PCNX1: variants seen among roughly 807,000 people sequenced by gnomAD.
PCNX1 encodes pecanex 1.
Under a neutral mutation model 242.2 loss-of-function variants are expected in PCNX1, and 78 were observed. The observed-to-expected ratio is 0.32, with a 90% CI of 0.27 to 0.39. PCNX1 has a LOEUF of 0.39. Among genes scored for constraint, PCNX1 ranks in the 10% least tolerant of loss-of-function variants. The probability of loss-of-function intolerance (pLI) is 1.00; values close to 1 mark genes in which losing one functional copy is unlikely to be tolerated. For synonymous variants in PCNX1, 1,024 were observed against 1,032.9 expected (o/e 0.99, Z 0.17); for missense variants, 2,581 against 2,856.5 (o/e 0.90, Z 2.20).
intron 10 of PCNX1, chr14:71,011,784 T>A: frequency 2.2e-6 from 1 of 454,848 alleles, no homozygotes; most frequent in Non-Finnish European, 3.9e-6. Context: ...AAAAAGTGTT[T>A]TGGAAAGTAT....
rs1415750246 is a variant in PCNX1 at position 70,988,590 on chromosome 14, G to C, written c.2335G>C (p.Val779Leu). The change falls in exon 7 of 36, where the codon GTG becomes CTG. Residue 779 changes from valine to leucine, a missense_variant. Transcript: ENST00000304743. Reference protein sequence around the residue: ...SGAAQASEEAVSFRRERSTFR... With the variant: ...SGAAQASEEALSFRRERSTFR... ...AGCAGCACAAGCCAGCGAGGAGGCA[G>C]TGTCATTTCGCCGTGAACGCAGCAC... 3.7e-6 allele frequency: 6 copies of C among 1,614,010 alleles called. No individual in the cohort carries two copies. Among genetic ancestry groups the C allele is most frequent in the South Asian group, 3.3e-5 (3 of 91,096 alleles).
chr14:70,937,220 C>G (rs561746371), intron 1 of PCNX1, among the ~76,000 whole-genome samples: 2 of 152,124 alleles, frequency 1.3e-5, no homozygotes, highest in Non-Finnish European at 2.9e-5. Context: ...TGCCTATGTT[C>G]TGAATGGTAT....
intron 1 of PCNX1, among the ~76,000 whole-genome samples, chr14:70,910,224 C>CCTT (rs2055832601): frequency 4.9e-5 from 4 of 82,416 alleles, no homozygotes; most frequent in African/African-American, 1.4e-4. Context: ...TCCTCCTCCT[C>CCTT]CTCCTCTCAC....
chr14:71,033,071 A>G (rs1476135014), intron 16 of PCNX1, among the ~76,000 whole-genome samples: 1 of 152,218 alleles, frequency 6.6e-6, no homozygotes, highest in Non-Finnish European at 1.5e-5. Flanking sequence ...CTATGCCAAG[A>G]TATCTTATTC....
At position 71,067,006 on chromosome 14, in the gene PCNX1, T is replaced by C. The variant is rs544148860; in HGVS notation, c.4853-6539T>C. Among the ~76,000 whole-genome samples the C allele has an allele frequency of 2.6e-5, 4 of 152,330 alleles. No individual in the cohort carries two copies. In the South Asian group the frequency reaches 8.3e-4, roughly 32 times the overall value. On this transcript the variant is annotated intron_variant, in intron 26 of 35. Coordinates refer to ENST00000304743, the MANE Select transcript of PCNX1 (RefSeq NM_014982.3). ...CTTTTTGATGTGCTGCTGGATTCTGTCTGCCAGTATCTTATTGAGGATTTT... is the reference window on the plus strand; with the variant it reads ...CTTTTTGATGTGCTGCTGGATTCTGCCTGCCAGTATCTTATTGAGGATTTT...
In PCNX1 at chr14:71,030,837, C is replaced by T. The variant is rs551526402; in HGVS notation, c.3558+2046C>T. Among the ~76,000 whole-genome samples the T allele has an allele frequency of 5.9e-5, 9 of 152,276 alleles. No individual in the cohort carries two copies. In the South Asian group the frequency reaches 1.5e-3, roughly 25 times the overall value. On this transcript the variant is annotated intron_variant, in intron 16 of 35. Transcript: ENST00000304743. The stretch of plus-strand genomic sequence containing the variant: ...GGCTTTTGTCTCCCATATCCCTTCC[C>T]TCATCATCATAAATGAGGTCCTGAG...
At chr14:70,983,414 C>T (rs773265292) in intron 6 of PCNX1, among the ~76,000 whole-genome samples, 3 of 152,136 alleles carry the variant, frequency 2.0e-5, no homozygotes, top group African/African-American at 4.8e-5. Context: ...AAGCGATTCT[C>T]CTGCCTCAGC....
intron 2 of PCNX1, among the ~76,000 whole-genome samples, chr14:70,953,350 C>T (rs1215619045): frequency 6.6e-6 from 1 of 152,088 alleles, no homozygotes; most frequent in African/African-American, 2.4e-5. Flanking sequence ...CTGATTACTA[C>T]TGAGGTTAAA....
At chr14:70,974,922 G>A (rs900882100) in intron 5 of PCNX1, among the ~76,000 whole-genome samples, 3 of 151,998 alleles carry the variant, frequency 2.0e-5, no homozygotes, top group Admixed American at 6.6e-5. Flanking sequence ...TGAAACCACC[G>A]AAATTCTTTC....
intron 1 of PCNX1, among the ~76,000 whole-genome samples, chr14:70,922,525 A>G (rs1355436826): frequency 4.6e-5 from 7 of 152,130 alleles, no homozygotes; most frequent in Admixed American, 3.9e-4. Context: ...TCTGTTCTCT[A>G]TCATCCACGC....
chr14:71,105,067 C>T (rs1234364792), intron 32 of PCNX1, among the ~76,000 whole-genome samples, 168 bp from the exon 33 acceptor site: 1 of 152,226 alleles, frequency 6.6e-6, no homozygotes, highest in Non-Finnish European at 1.5e-5. Flanking sequence ...TTAAGCCACT[C>T]TTTGAAAACG....
chr14:70,923,279 T>G (rs1225971482), intron 1 of PCNX1, among the ~76,000 whole-genome samples: 1 of 152,164 alleles, frequency 6.6e-6, no homozygotes, highest in Non-Finnish European at 1.5e-5. Context: ...CATTTACCAG[T>G]TTTCTCCATG....
intron 1 of PCNX1, among the ~76,000 whole-genome samples, chr14:70,914,389 G>A (rs1374504652): frequency 6.6e-6 from 1 of 152,086 alleles, no homozygotes; most frequent in African/African-American, 2.4e-5. Context: ...GTAGAAAAGT[G>A]TATTAATTTA....
At chr14:70,935,951 C>CA (rs1358551272) in intron 1 of PCNX1, among the ~76,000 whole-genome samples, 1 of 152,072 alleles carries the variant, frequency 6.6e-6, no homozygotes, top group African/African-American at 2.4e-5. Flanking sequence ...AAACCAGTGT[C>CA]ACACAATTTT....
intron 33 of PCNX1, among the ~76,000 whole-genome samples, chr14:71,106,921 C>G (rs1320661084): frequency 6.6e-6 from 1 of 152,110 alleles, no homozygotes; most frequent in Non-Finnish European, 1.5e-5. Context: ...GAGTTACTTG[C>G]CTTCTTCTGA....
Position 70,978,593 on chromosome 14 carries a change from C to G in PCNX1, c.2256C>G (p.Ser752Arg). 6.2e-7 allele frequency: 1 copy of G among 1,613,914 alleles called. No homozygotes were observed. Among genetic ancestry groups the G allele is most frequent in the Non-Finnish European group, 8.5e-7 (1 of 1,179,890 alleles). ...AGACAGTCACTCGATCTAGGAATAG[C>G]TTGCCAAACCAGGTTGCATTTCCTG... ...QLETVTRSRN[S>R]LPNQVAFPEG... Residue 752 changes from serine to arginine, a missense_variant, in exon 6 of 36, where the codon AGC (serine) becomes AGG (arginine). Physicochemically the swap from Ser to Arg is moderately radical, Grantham distance 110 (BLOSUM62 -1). Transcript: ENST00000304743.
At chr14:70,938,595 T>C (rs183981836) in intron 1 of PCNX1, among the ~76,000 whole-genome samples, 13 of 152,328 alleles carry the variant, frequency 8.5e-5, no homozygotes, top group Admixed American at 3.9e-4. Context: ...ATTCTCTTTT[T>C]TGGTTGTGTC....
chr14:70,975,116 G>A (rs1401113426), intron 5 of PCNX1, among the ~76,000 whole-genome samples: 1 of 152,038 alleles, frequency 6.6e-6, no homozygotes, highest in African/African-American at 2.4e-5. Flanking sequence ...TAGATTTAGT[G>A]ATTTTCAACT....
At position 71,047,123 on chromosome 14, in the gene PCNX1, C is replaced by T; in HGVS notation, c.4160+18C>T. The T allele has an allele frequency of 7.0e-7, 1 of 1,434,502 alleles. No homozygotes were observed. Among genetic ancestry groups the T allele is most frequent in the Non-Finnish European group, 9.5e-7 (1 of 1,055,066 alleles). 88.9% of individuals were successfully genotyped at this position (1,434,502 alleles called of 1,614,324 possible). ...AATACAGAGTAAGTATAGTAGTCTT[C>T]TAATATTGTCTGACTACTGGGGGCT... On this transcript the variant is annotated intron_variant, in intron 21 of 35. Transcript: ENST00000304743.
Sources: allele counts gnomAD v4.1 joint callset (sites outside exome capture counted in the v4.1 genomes callset), GRCh38; gene constraint gnomAD v4.1.1; transcripts MANE v1.5; gene names NCBI Gene and HGNC (gene_info 2026-07-23, HGNC 2026-07-21).